Variants in RSPH14 observed in about 807,000 individuals in gnomAD.
The protein encoded by RSPH14 is rhabdoid tumor deletion region gene 1.
Under a neutral mutation model 26.7 loss-of-function variants are expected in RSPH14, and 20 were observed. The ratio of observed to expected loss-of-function variants is 0.75; its 90% CI spans 0.53 to 1.09. The LOEUF is 1.09. Among genes scored for constraint, RSPH14 ranks in the 50% least tolerant of loss-of-function variants. The probability of loss-of-function intolerance (pLI) is 0.00; values close to 1 mark genes in which losing one functional copy is unlikely to be tolerated. For synonymous variants in RSPH14, 177 were observed against 189.3 expected (o/e 0.93, Z 0.53); for missense variants, 449 against 457.2 (o/e 0.98, Z 0.16).
the RSPH14 span, chr22:23,162,601 C>G: frequency 8.8e-6 from 4 of 455,160 alleles, no homozygotes; most frequent in African/African-American, 8.0e-5. Flanking sequence ...CCCACACATT[C>G]CCCAGCCTCT....
At position 23,059,730 on chromosome 22, in the gene RSPH14, C is replaced by A; in HGVS notation, c.791-12G>T. On this transcript the variant is annotated splice_polypyrimidine_tract_variant and intron_variant, in intron 6 of 6. Coordinates refer to ENST00000216036, the MANE Select transcript of RSPH14 (RefSeq NM_014433.3). ...GGCCGCATACTTCCCTGCAGGCCAC[C>A]AACACAAGGCGTTCCAAACAGCCCA... is the stretch of plus-strand genomic sequence containing the variant. 6.6e-7 allele frequency: 1 copy of A among 1,508,106 alleles called. No individual in the cohort carries two copies. Among genetic ancestry groups the A allele is most frequent in the Non-Finnish European group, 8.8e-7 (1 of 1,132,436 alleles). The allele number at this position is 1,508,106 out of a possible 1,614,324, so 93.4% of individuals were successfully genotyped here. A position where few individuals can be genotyped will look rare whatever the true frequency, so the allele number is the denominator to read the frequency against.
the RSPH14 span, among the ~76,000 whole-genome samples, chr22:23,171,112 C>G: frequency 6.6e-6 from 1 of 151,980 alleles, no homozygotes; most frequent in African/African-American, 2.4e-5. Flanking sequence ...GGACTACAGG[C>G]GTGCACCACC....
intron 4 of RSPH14, among the ~76,000 whole-genome samples, chr22:23,117,922 C>G (rs2069898240): frequency 6.6e-6 from 1 of 152,172 alleles, no homozygotes; most frequent in South Asian, 2.1e-4. Context: ...TCTCCACTCC[C>G]TACCTTGCCC....
At chr22:23,098,571 C>T (rs2069193899) in intron 4 of RSPH14, among the ~76,000 whole-genome samples, 1 of 152,340 alleles carries the variant, frequency 6.6e-6, no homozygotes, top group East Asian at 1.9e-4. Context: ...GGGCTGGCAG[C>T]CAGGCTGGCA....
At chr22:23,113,246 G>A (rs960990770) in intron 4 of RSPH14, among the ~76,000 whole-genome samples, 1 of 152,232 alleles carries the variant, frequency 6.6e-6, no homozygotes. Context: ...ACCTGGCCCT[G>A]TGCCCAGGCA....
At chr22:23,155,889 G>C in the RSPH14 span, 3 of 1,348,186 alleles carry the variant, frequency 2.2e-6, no homozygotes, top group South Asian at 2.8e-5. Context: ...CCCACCCATG[G>C]TCCCGTAGCC....
chr22:23,063,824 GC>G, intron 5 of RSPH14, 77 bp downstream of exon 5: 2 of 1,403,402 alleles, frequency 1.4e-6, no homozygotes, highest in Non-Finnish European at 2.0e-6. Flanking sequence ...CAGGGTGGCC[GC>G]CCTTGAGCTC....
At chr22:23,080,074 A>C (rs1286772611) in intron 4 of RSPH14, among the ~76,000 whole-genome samples, 1 of 152,192 alleles carries the variant, frequency 6.6e-6, no homozygotes, top group Non-Finnish European at 1.5e-5. Context: ...GGCTCTCTCC[A>C]AGGCAGCAAC....
intron 6 of RSPH14, among the ~76,000 whole-genome samples, chr22:23,060,045 GACAGGTGCCT>G (rs1234151910): frequency 2.6e-5 from 4 of 152,182 alleles, no homozygotes; most frequent in Non-Finnish European, 4.4e-5. Flanking sequence ...CAGATGTAGT[GACAGGTGCCT>G]ACAGTCCCAG....
intron 4 of RSPH14, among the ~76,000 whole-genome samples, chr22:23,067,939 G>A (rs771807929): frequency 6.6e-5 from 10 of 152,188 alleles, no homozygotes; most frequent in East Asian, 1.9e-4. Context: ...ATTTTATTAT[G>A]TCCAGTAGGA....
chr22:23,107,621 G>A (rs574726396), intron 4 of RSPH14, among the ~76,000 whole-genome samples: 2 of 152,108 alleles, frequency 1.3e-5, no homozygotes, highest in Non-Finnish European at 2.9e-5. Flanking sequence ...GCTGGGGCGG[G>A]AGCAGGGGTC....
At chr22:23,149,942 G>A (rs2071006277), upstream of RSPH14, 1 of 764,696 alleles carries the variant, frequency 1.3e-6, no homozygotes, top group South Asian at 1.5e-5. Flanking sequence ...AAGCTAATGA[G>A]GCTGCCAGCT....
At chr22:23,093,096 G>C (rs529708314) in intron 4 of RSPH14, among the ~76,000 whole-genome samples, 103 of 152,338 alleles carry the variant, frequency 6.8e-4, no homozygotes, top group African/African-American at 2.4e-3. Context: ...CATGGTTCGT[G>C]TGCATATTAC....
At chr22:23,063,857 C>G (rs1349211094) in intron 5 of RSPH14, 45 bp downstream of exon 5, 1 of 1,586,808 alleles carries the variant, frequency 6.3e-7, no homozygotes, top group South Asian at 1.1e-5. Context: ...AGCTCAGGTG[C>G]CTTCTCCCAG....
At position 23,078,878 on chromosome 22, in the gene RSPH14, G is replaced by A. The variant is rs571148745; in HGVS notation, c.422-14745C>T. Among the ~76,000 whole-genome samples, 80 of 152,322 alleles carry A rather than the reference G, an allele frequency of 5.3e-4. No individual in the cohort carries two copies. The South Asian group carries it at 0.015, about 29-fold the overall frequency. On this transcript the variant is annotated intron_variant, in intron 4 of 6. Transcript: ENST00000216036. ...CCGGGCCTGAGGGCTTAGTCGTGGG[G>A]CAGCATCAGGATCGGCCAAGTCCAG...
At position 23,064,121 on chromosome 22, in the gene RSPH14, A is replaced by G. The variant is rs777016391; in HGVS notation, c.434T>C (p.Ile145Thr). 3 of 1,614,014 alleles carry G rather than the reference A, an allele frequency of 1.9e-6. No homozygotes were observed. The Admixed American group carries it at 5.0e-5, about 27-fold the overall frequency. The change falls in exon 5 of 7, where the codon ATC becomes ACC. Residue 145 changes from isoleucine (I) to threonine (T), a missense_variant. Physicochemically the swap from Ile to Thr is moderately conservative, Grantham distance 89. Coordinates refer to ENST00000216036, the MANE Select transcript of RSPH14 (RefSeq NM_014433.3). ...TGAGGAAATCAGACCTTTGCTGATG[A>G]TCTCTTGGGCCCCTACAAGGCAGGA... ...LVQVPRGAQE[I>T]ISKGLISSLV...
intron 4 of RSPH14, among the ~76,000 whole-genome samples, chr22:23,112,937 C>T (rs949867809): frequency 6.6e-6 from 1 of 152,204 alleles, no homozygotes. Flanking sequence ...GAATACCAGC[C>T]AAGAGACCAG....
chr22:23,104,657 G>A (rs1156801383), intron 4 of RSPH14, among the ~76,000 whole-genome samples: 1 of 152,248 alleles, frequency 6.6e-6, no homozygotes, highest in Admixed American at 6.5e-5. Flanking sequence ...CCAAGGTGGA[G>A]GCTAAGAGTG....
chr22:23,144,534 A>G (rs1466917873), upstream of RSPH14, among the ~76,000 whole-genome samples: 2 of 152,168 alleles, frequency 1.3e-5, no homozygotes, highest in African/African-American at 4.8e-5. Flanking sequence ...CTAAGCCTCA[A>G]CCTTAGCAGT....
Sources: gnomAD v4.1 joint callset for allele counts (sites outside exome capture counted in the v4.1 genomes callset) on GRCh38, gnomAD v4.1.1 for gene constraint, MANE v1.5 for transcripts, NCBI Gene and HGNC (gene_info 2026-07-23, HGNC 2026-07-21) for gene names.